The following WDR41 variants were observed in gnomAD, a reference collection of about 807,000 sequenced individuals.
The protein encoded by WDR41 is WD repeat domain 41, also known as WD repeat-containing protein 41.
A neutral mutation model predicts 69.3 loss-of-function variants in WDR41; 63 were observed. That is an observed-to-expected ratio of 0.91 (90% CI 0.74 to 1.12). WDR41 has a LOEUF of 1.12. Ranked by LOEUF, WDR41 falls within the 50% of genes most tolerant of loss-of-function variation. The probability of loss-of-function intolerance (pLI) is 0.00; values close to 1 mark genes in which losing one functional copy is unlikely to be tolerated. For synonymous variants in WDR41, 185 were observed against 192.1 expected (o/e 0.96, Z 0.31); for missense variants, 543 against 534.5 (o/e 1.02, Z -0.16).
intron 1 of WDR41, among the ~76,000 whole-genome samples, chr5:77,613,652 G>T (rs1166590318): frequency 1.3e-5 from 2 of 152,176 alleles, no homozygotes; most frequent in Admixed American, 1.3e-4. Context: ...ATTCAAGATG[G>T]ATTAAAGATT....
chr5:77,508,880 T>TG (rs1802153841), intron 1 of WDR41, among the ~76,000 whole-genome samples: 1 of 152,200 alleles, frequency 6.6e-6, no homozygotes, highest in Non-Finnish European at 1.5e-5. Flanking sequence ...TGACTGATCT[T>TG]AGCAGGGCTC....
chr5:77,618,756 G>A (rs928871841), intron 1 of WDR41, among the ~76,000 whole-genome samples: 10 of 152,158 alleles, frequency 6.6e-5, no homozygotes, highest in African/African-American at 2.2e-4. Context: ...ACAAAGAAGG[G>A]GGACCAGAAA....
intron 1 of WDR41, among the ~76,000 whole-genome samples, chr5:77,535,086 G>A (rs1342600139): frequency 1.3e-5 from 2 of 152,110 alleles, no homozygotes; most frequent in Non-Finnish European, 2.9e-5. Flanking sequence ...TAAGAGTCAT[G>A]GTTAATTTTA....
At chr5:77,573,887 C>A (rs1743777111) in intron 1 of WDR41, among the ~76,000 whole-genome samples, 1 of 152,120 alleles carries the variant, frequency 6.6e-6, no homozygotes, top group Admixed American at 6.6e-5. Context: ...TTTTCATATC[C>A]ACCATCACAG....
Position 77,433,290 on chromosome 5 carries a change from GTAAAGAAAAT to G in WDR41, c.1228-13_1228-4del, listed in dbSNP as rs1561721659. On this transcript the variant is annotated splice_region_variant and splice_polypyrimidine_tract_variant and intron_variant, in intron 12 of 12. Transcript: ENST00000296679. ...TGATCTTCAAAGTATAGAAACATCT[GTAAAGAAAAT>G]TAAAACTGATTATAGGGACCCCGAA... is the stretch of plus-strand genomic sequence containing the variant. 6.2e-7 allele frequency: 1 copy of G among 1,608,262 alleles called. No individual in the cohort carries two copies. The highest frequency in any genetic ancestry group is 1.7e-5 in the Admixed American group (1 of 58,518).
intron 1 of WDR41, among the ~76,000 whole-genome samples, chr5:77,502,355 G>A (rs945878992): frequency 2.6e-5 from 4 of 152,234 alleles, no homozygotes; most frequent in Admixed American, 2.6e-4. Context: ...AAGCCTCCGA[G>A]AAATATGGGA....
intron 1 of WDR41, among the ~76,000 whole-genome samples, chr5:77,590,835 T>C (rs1416095853): frequency 6.6e-6 from 1 of 152,222 alleles, no homozygotes; most frequent in Non-Finnish European, 1.5e-5. Context: ...TCCTTTCTTG[T>C]ATTGTCTTTG....
intron 2 of WDR41, among the ~76,000 whole-genome samples, chr5:77,479,397 G>A (rs1801119037): frequency 6.6e-6 from 1 of 152,060 alleles, no homozygotes; most frequent in African/African-American, 2.4e-5. Flanking sequence ...AAAGCTGGAG[G>A]CATCACACTA....
chr5:77,448,071 A>T (rs1207243323), intron 8 of WDR41, among the ~76,000 whole-genome samples: 3 of 152,180 alleles, frequency 2.0e-5, no homozygotes, highest in Admixed American at 2.0e-4. Context: ...ACATGCCATG[A>T]AGTTCAGGCT....
chr5:77,528,933 T>G (rs1802485780), intron 1 of WDR41, among the ~76,000 whole-genome samples: 1 of 151,644 alleles, frequency 6.6e-6, no homozygotes, highest in Non-Finnish European at 1.5e-5. Context: ...AGCATTATAC[T>G]TAATGAAATA....
intron 1 of WDR41, among the ~76,000 whole-genome samples, chr5:77,577,562 AT>A: frequency 6.6e-6 from 1 of 152,324 alleles, no homozygotes; most frequent in East Asian, 1.9e-4. Context: ...TTCAAAGATT[AT>A]TTTGGCAATA....
chr5:77,478,913 A>G (rs886301886), intron 2 of WDR41, among the ~76,000 whole-genome samples: 2 of 151,890 alleles, frequency 1.3e-5, no homozygotes, highest in Non-Finnish European at 2.9e-5. Flanking sequence ...ACATGATTGT[A>G]TATCTAGAAA....
chr5:77,487,325 C>G (rs983708733), intron 2 of WDR41, among the ~76,000 whole-genome samples: 3 of 152,150 alleles, frequency 2.0e-5, no homozygotes, highest in Non-Finnish European at 4.4e-5. Context: ...AAAACTTTAG[C>G]TGTCCAAAAT....
At chr5:77,612,440 C>G (rs1002747871) in intron 1 of WDR41, among the ~76,000 whole-genome samples, 1 of 152,190 alleles carries the variant, frequency 6.6e-6, no homozygotes, top group Non-Finnish European at 1.5e-5. Flanking sequence ...AAAAGCTTAT[C>G]CACCATGATC....
intron 1 of WDR41, among the ~76,000 whole-genome samples, chr5:77,539,523 T>C (rs934048207): frequency 6.6e-6 from 1 of 152,100 alleles, no homozygotes; most frequent in African/African-American, 2.4e-5. Flanking sequence ...GGGGTGTACT[T>C]TGAATAGTAA....
At chr5:77,459,273 T>C (rs1799948623) in intron 4 of WDR41, 149 bp from the exon 5 acceptor site, 3 of 567,110 alleles carry the variant, frequency 5.3e-6, no homozygotes, top group African/African-American at 3.8e-5. Context: ...ACCACAAAAA[T>C]GAATTCATAT....
At chr5:77,567,687 A>C (rs998661325) in intron 1 of WDR41, among the ~76,000 whole-genome samples, 1 of 149,246 alleles carries the variant, frequency 6.7e-6, no homozygotes, top group African/African-American at 2.5e-5. Flanking sequence ...AAAAAAAATT[A>C]AAACATGGAA....
chr5:77,494,488 G>A (rs1801911161), upstream of WDR41, among the ~76,000 whole-genome samples: 1 of 152,122 alleles, frequency 6.6e-6, no homozygotes, highest in African/African-American at 2.4e-5. Context: ...CATGCAAATA[G>A]TAACCAAAAG....
chr5:77,488,765 C>T (rs1352715007), intron 2 of WDR41, among the ~76,000 whole-genome samples: 1 of 152,120 alleles, frequency 6.6e-6, no homozygotes, highest in Non-Finnish European at 1.5e-5. Context: ...ATAAGAAAAA[C>T]ATAGCCTCAT....
Sources: allele counts gnomAD v4.1 joint callset (sites outside exome capture counted in the v4.1 genomes callset), GRCh38; gene constraint gnomAD v4.1.1; transcripts MANE v1.5; gene names NCBI Gene and HGNC (gene_info 2026-07-23, HGNC 2026-07-21).